SDC2: variants seen among roughly 807,000 people sequenced by gnomAD.
SDC2 encodes the protein syndecan 2, also known as syndecan-2.
A neutral mutation model predicts 22.2 loss-of-function variants in SDC2; 13 were observed. That is an observed-to-expected ratio of 0.59 (90% CI 0.38 to 0.93). The LOEUF (loss-of-function observed/expected upper bound fraction) is 0.93. Ranked by LOEUF, SDC2 falls within the 40% of genes least tolerant of loss-of-function variation. SDC2 has a pLI of 0.00. For synonymous variants in SDC2, 94 were observed against 92.8 expected (o/e 1.01, Z -0.07); for missense variants, 235 against 246.8 (o/e 0.95, Z 0.32).
chr8:96,507,915 G>A (rs1813266413), intron 1 of SDC2, among the ~76,000 whole-genome samples: 1 of 152,134 alleles, frequency 6.6e-6, no homozygotes, highest in Non-Finnish European at 1.5e-5. Context: ...TGTAATCCCA[G>A]CACTTTGGGA....
chr8:96,602,669 T>C, intron 3 of SDC2, 141 bp downstream of exon 3: 1 of 842,112 alleles, frequency 1.2e-6, no homozygotes, highest in African/African-American at 1.7e-5. Context: ...ACAGTTCTTT[T>C]AAAAGACCCC....
intron 1 of SDC2, among the ~76,000 whole-genome samples, chr8:96,589,171 C>T (rs1462741801): frequency 1.3e-5 from 2 of 152,100 alleles, no homozygotes; most frequent in African/African-American, 4.8e-5. Flanking sequence ...TGTGGAAGGC[C>T]TAAATCACCA....
intron 1 of SDC2, among the ~76,000 whole-genome samples, chr8:96,540,962 TA>T (rs1024488180): frequency 4.5e-4 from 69 of 152,318 alleles, no homozygotes; most frequent in African/African-American, 1.4e-3. Flanking sequence ...TCTGTTTATC[TA>T]AGAAATTTCA....
At chr8:96,539,961 C>T (rs1446774959) in intron 1 of SDC2, among the ~76,000 whole-genome samples, 3 of 152,130 alleles carry the variant, frequency 2.0e-5, no homozygotes, top group Non-Finnish European at 1.5e-5. Flanking sequence ...CTCACTGTCA[C>T]CCAGGCTAGT....
At chr8:96,512,349 C>T (rs749617399) in intron 1 of SDC2, among the ~76,000 whole-genome samples, 11 of 152,172 alleles carry the variant, frequency 7.2e-5, no homozygotes, top group Non-Finnish European at 1.3e-4. Context: ...AAGTTAACAG[C>T]CTGTCCTGTC....
At position 96,494,193 on chromosome 8, in the gene SDC2, C is replaced by T. The variant is rs1055106187; in HGVS notation, c.-79C>T. ...TCTGCTCCGGATTCGTGTGCGCGGG[C>T]TGCGCCGAGCGCTGGGCAGGAGGCT... On this transcript the variant is annotated 5_prime_UTR_variant, in exon 1 of 5. Coordinates refer to ENST00000302190, the MANE Select transcript of SDC2 (RefSeq NM_002998.4). The T allele has an allele frequency of 7.1e-7, 1 of 1,417,692 alleles. No homozygotes were observed. Among genetic ancestry groups the T allele is most frequent in the African/African-American group, 1.4e-5 (1 of 70,078 alleles). 87.8% of individuals were successfully genotyped at this position (1,417,692 alleles called of 1,614,324 possible). A position where few individuals can be genotyped will look rare whatever the true frequency, so the allele number is the denominator to read the frequency against.
intron 2 of SDC2, among the ~76,000 whole-genome samples, chr8:96,599,853 G>T (rs1814947010): frequency 5.9e-5 from 9 of 152,102 alleles, no homozygotes; most frequent in Admixed American, 5.9e-4. Context: ...AAATGAACCG[G>T]CCAGGAGCCG....
At chr8:96,508,831 A>G (rs111577574) in intron 1 of SDC2, among the ~76,000 whole-genome samples, 11 of 142,178 alleles carry the variant, frequency 7.7e-5, no homozygotes, top group African/African-American at 2.8e-4. Context: ...GAAAGTGTCT[A>G]ACTGTATCAC....
At chr8:96,579,134 G>A (rs1814551813) in intron 1 of SDC2, among the ~76,000 whole-genome samples, 1 of 152,156 alleles carries the variant, frequency 6.6e-6, no homozygotes, top group Non-Finnish European at 1.5e-5. Context: ...TAGGTGCCAC[G>A]CTGACAATAA....
chr8:96,495,757 G>A (rs1321605696), intron 1 of SDC2, among the ~76,000 whole-genome samples: 19 of 152,108 alleles, frequency 1.2e-4, no homozygotes, highest in Non-Finnish European at 1.5e-5. Flanking sequence ...TAATCAGTGT[G>A]GGAGCCTCTG....
At chr8:96,580,449 G>A in intron 1 of SDC2, 1 of 985,238 alleles carries the variant, frequency 1.0e-6, no homozygotes, top group Non-Finnish European at 1.2e-6. Context: ...GTTGCTTGTT[G>A]CCACTGAGGG....
intron 1 of SDC2, among the ~76,000 whole-genome samples, chr8:96,583,227 C>T (rs898192765): frequency 4.2e-5 from 6 of 141,550 alleles, no homozygotes; most frequent in African/African-American, 1.3e-4. Context: ...GCTGGGATTA[C>T]AAGCATGAGT....
At chr8:96,520,861 A>G (rs1174233848) in intron 1 of SDC2, among the ~76,000 whole-genome samples, 1 of 152,148 alleles carries the variant, frequency 6.6e-6, no homozygotes, top group Non-Finnish European at 1.5e-5. Flanking sequence ...CTTCTAAACA[A>G]AGGACTTTTC....
At chr8:96,605,999 T>C (rs2651452) in intron 3 of SDC2, among the ~76,000 whole-genome samples, 30,312 of 152,178 alleles carry the variant, frequency 0.2, 3,410 homozygotes, top group South Asian at 0.36. Context: ...GGATGAACTC[T>C]AGCCTTCAGA....
At chr8:96,552,434 T>C (rs1370140623) in intron 1 of SDC2, among the ~76,000 whole-genome samples, 7 of 152,218 alleles carry the variant, frequency 4.6e-5, no homozygotes, top group Non-Finnish European at 4.4e-5. Context: ...GGCTGAATTC[T>C]GTTCAACCTC....
intron 1 of SDC2, among the ~76,000 whole-genome samples, chr8:96,525,916 C>T (rs1433228240): frequency 6.6e-6 from 1 of 152,152 alleles, no homozygotes; most frequent in Admixed American, 6.5e-5. Context: ...ACTTTCCACA[C>T]ATTGTCAGGG....
intron 1 of SDC2, among the ~76,000 whole-genome samples, chr8:96,547,987 C>T (rs1351690967): frequency 6.6e-6 from 1 of 152,130 alleles, no homozygotes; most frequent in African/African-American, 2.4e-5. Flanking sequence ...GTCTCAAACT[C>T]CTGGGCTCAG....
intron 1 of SDC2, among the ~76,000 whole-genome samples, chr8:96,576,920 T>C (rs1814514825): frequency 1.3e-5 from 2 of 152,218 alleles, no homozygotes; most frequent in Admixed American, 6.5e-5. Context: ...GTCCCAAGAA[T>C]GTATTGAGAT....
chr8:96,538,124 G>A (rs373614871), intron 1 of SDC2, among the ~76,000 whole-genome samples: 6 of 152,002 alleles, frequency 3.9e-5, no homozygotes, highest in Non-Finnish European at 7.4e-5. Context: ...CACCACGCCC[G>A]GCTAATTTTT....
Sources: gnomAD v4.1 joint callset for allele counts (sites outside exome capture counted in the v4.1 genomes callset) on GRCh38, gnomAD v4.1.1 for gene constraint, MANE v1.5 for transcripts, NCBI Gene and HGNC (gene_info 2026-07-23, HGNC 2026-07-21) for gene names.